Variants in UBR2 observed in about 807,000 individuals in gnomAD.
UBR2 encodes the protein E3 ubiquitin-protein ligase UBR2.
A neutral mutation model predicts 247.9 loss-of-function variants in UBR2; 92 were observed. The ratio of observed to expected loss-of-function variants is 0.37; its 90% CI spans 0.31 to 0.44. UBR2 has a LOEUF of 0.44. Ranked by LOEUF, UBR2 falls within the 20% of genes least tolerant of loss-of-function variation. The pLI is 1.00. For missense variants in UBR2, 1,613 were observed against 2,112.6 expected (o/e 0.76, Z 4.64); for synonymous variants, 672 against 693.5 (o/e 0.97, Z 0.49).
intron 4 of UBR2, among the ~76,000 whole-genome samples, chr6:42,597,125 C>T (rs1359833560): frequency 6.6e-6 from 1 of 152,138 alleles, no homozygotes; most frequent in Non-Finnish European, 1.5e-5. Flanking sequence ...TATCCTCATA[C>T]ATTAGTGGGA....
intron 5 of UBR2, among the ~76,000 whole-genome samples, chr6:42,604,037 GT>G (rs1404737056): frequency 6.6e-6 from 1 of 152,014 alleles, no homozygotes; most frequent in Admixed American, 6.6e-5. Context: ...TTTTTGTTTT[GT>G]TTATTATATG....
chr6:42,584,022 A>T (rs1792090695), intron 2 of UBR2, among the ~76,000 whole-genome samples: 1 of 111,380 alleles, frequency 9.0e-6, no homozygotes. Flanking sequence ...TTTGATACAG[A>T]GTTTTGCTCT....
intron 30 of UBR2, among the ~76,000 whole-genome samples, chr6:42,661,368 A>C (rs886867264): frequency 5.9e-5 from 9 of 152,242 alleles, no homozygotes; most frequent in African/African-American, 2.2e-4. Flanking sequence ...TATTTAACTT[A>C]TTACTTCTGA....
chr6:42,671,447 G>A (rs540924923), intron 36 of UBR2, among the ~76,000 whole-genome samples: 1 of 151,506 alleles, frequency 6.6e-6, no homozygotes, highest in African/African-American at 2.4e-5. Flanking sequence ...GCAGAAGAAT[G>A]TATATTCTAG....
chr6:42,590,124 G>A (rs1345526191), intron 2 of UBR2, among the ~76,000 whole-genome samples: 1 of 152,022 alleles, frequency 6.6e-6, no homozygotes, highest in African/African-American at 2.4e-5. Context: ...TTAATATTAT[G>A]TTAAAATAAT....
chr6:42,576,419 T>C (rs1791509535), intron 2 of UBR2, among the ~76,000 whole-genome samples: 1 of 152,166 alleles, frequency 6.6e-6, no homozygotes, highest in African/African-American at 2.4e-5. Context: ...TTCCCCTGTA[T>C]GCAGCCATTC....
rs866273616 is a variant in UBR2, at chr6:42,688,511, A to G, written c.5024+125A>G. Reference sequence around the variant, plus strand: ...CTGTTCCGTGTGATTCATTCCAGAAACGTGGAGCTCCTTGTCGCCTCACAT... The same window carrying G: ...CTGTTCCGTGTGATTCATTCCAGAAGCGTGGAGCTCCTTGTCGCCTCACAT... On this transcript the variant is annotated intron_variant, in intron 45 of 46. Coordinates refer to ENST00000372901, the MANE Select transcript of UBR2 (RefSeq NM_001363705.2). 4 of 1,143,264 alleles carry G rather than the reference A, an allele frequency of 3.5e-6. No homozygotes were observed. In the South Asian group the frequency reaches 6.1e-5, roughly 17 times the overall value. 70.8% of individuals were successfully genotyped at this position (1,143,264 alleles called of 1,614,324 possible).
At chr6:42,671,245 A>G (rs1366611312) in intron 36 of UBR2, among the ~76,000 whole-genome samples, 1 of 151,934 alleles carries the variant, frequency 6.6e-6, no homozygotes, top group Non-Finnish European at 1.5e-5. Context: ...ATCTCTACAC[A>G]AATTTTAAAA....
intron 32 of UBR2, 113 bp from the exon 33 acceptor site, chr6:42,665,296 T>G: frequency 1.4e-6 from 1 of 737,738 alleles, no homozygotes; most frequent in South Asian, 2.8e-5. Flanking sequence ...CCTTATCCTT[T>G]TTGTTTTTAA....
At position 42,676,834 on chromosome 6, in the gene UBR2, T is replaced by C. The variant is rs765201709; in HGVS notation, c.4439T>C (p.Val1480Ala). 6.2e-7 allele frequency: 1 copy of C among 1,614,024 alleles called. No individual in the cohort carries two copies. The highest frequency in any genetic ancestry group is 1.1e-5 in the South Asian group (1 of 91,076). Residue 1480 changes from valine to alanine, a missense_variant, in exon 40 of 47, where the codon GTT becomes GCT. Physicochemically the swap from Val to Ala is moderately conservative, Grantham distance 64. This residue lies in a region of UBR2 where 1,524 missense variants were observed against 1,967.3 expected (regional missense o/e 0.77). Transcript: ENST00000372901. The stretch of plus-strand genomic sequence containing the variant: ...CCCCCTTGTGAAGAAGAATCAGCAG[T>C]TCTTGCTTTGTATAAAACACTTCAC... ...ENPPCEEESA[V>A]LALYKTLHQY...
At chr6:42,597,386 A>C (rs1376269870) in intron 4 of UBR2, among the ~76,000 whole-genome samples, 1 of 152,112 alleles carries the variant, frequency 6.6e-6, no homozygotes, top group African/African-American at 2.4e-5. Flanking sequence ...ACTTGACCCC[A>C]GGAGTTCAAG....
At chr6:42,638,738 C>T (rs1438686619) in intron 15 of UBR2, among the ~76,000 whole-genome samples, 1 of 151,802 alleles carries the variant, frequency 6.6e-6, no homozygotes, top group Non-Finnish European at 1.5e-5. Flanking sequence ...GTGGCATGCC[C>T]TGCACGTGCC....
intron 1 of UBR2, among the ~76,000 whole-genome samples, chr6:42,572,064 A>AT (rs201446653): frequency 1.2e-4 from 18 of 150,554 alleles, no homozygotes; most frequent in African/African-American, 2.9e-4. Flanking sequence ...TTTTATTTTT[A>AT]TTTTTTTTTC....
chr6:42,599,930 A>C (rs1793250730), intron 4 of UBR2, among the ~76,000 whole-genome samples: 1 of 152,186 alleles, frequency 6.6e-6, no homozygotes, highest in African/African-American at 2.4e-5. Context: ...CTAATTTTAA[A>C]AAATAATAGA....
intron 42 of UBR2, 150 bp downstream of exon 42, chr6:42,679,982 GTTTGTTTTGT>G (rs530662573): frequency 1.0e-5 from 6 of 593,800 alleles, no homozygotes; most frequent in African/African-American, 5.8e-5. Context: ...TTTTGTTGTT[GTTTGTTTTGT>G]TTTGTTTTGT....
rs577311157 is a variant in UBR2 at position 42,582,065 on chromosome 6, C to T, written c.338+8072C>T. On this transcript the variant is annotated intron_variant, in intron 2 of 46. Coordinates refer to ENST00000372901, the MANE Select transcript of UBR2 (RefSeq NM_001363705.2). ...TTGGGAGGCCGAGGTGGGTGGATCA[C>T]GAGGTCCGGAGATCGAGACCATCCT... 1.7e-3 allele frequency among the ~76,000 whole-genome samples: 259 copies of T among 152,098 alleles called. 1 individual carries two copies. Among genetic ancestry groups the T allele is most frequent in the South Asian group, 3.5e-3 (17 of 4,820 alleles).
At chr6:42,621,844 A>G (rs1488729815) in intron 11 of UBR2, among the ~76,000 whole-genome samples, 3 of 152,202 alleles carry the variant, frequency 2.0e-5, no homozygotes, top group African/African-American at 4.8e-5. Flanking sequence ...AGAAGCCTTC[A>G]TATATTTTGA....
rs771862108 is a variant in UBR2, at chr6:42,573,835, A to G, written c.180A>G (p.Lys60=). 44 of 1,613,960 alleles carry G rather than the reference A, an allele frequency of 2.7e-5. No homozygotes were observed. Among genetic ancestry groups the G allele is most frequent in the African/African-American group, 5.3e-5 (4 of 74,944 alleles). The part of the protein sequence containing the change: ...YCRGPNPFPQ[K]EDMLAQHVLL... Reference sequence around the variant, plus strand: ...GGGGTCCCAACCCTTTTCCACAGAAAGAAGACATGCTGGCACAGCATGTTT... The same window carrying G: ...GGGGTCCCAACCCTTTTCCACAGAAGGAAGACATGCTGGCACAGCATGTTT... The change falls in exon 2 of 47, where the codon AAA becomes AAG. Residue 60 remains lysine (K), a synonymous_variant. Coordinates refer to ENST00000372901, the MANE Select transcript of UBR2 (RefSeq NM_001363705.2).
intron 30 of UBR2, among the ~76,000 whole-genome samples, chr6:42,660,307 G>A (rs1253340652): frequency 6.6e-6 from 1 of 152,076 alleles, no homozygotes; most frequent in East Asian, 1.9e-4. Flanking sequence ...CCACAGATCG[G>A]GTTCCCCAGA....
Sources: gnomAD v4.1 joint callset for allele counts (sites outside exome capture counted in the v4.1 genomes callset) on GRCh38, gnomAD v4.1.1 for gene constraint, gnomAD v4.1.1 regional missense constraint, MANE v1.5 for transcripts, NCBI Gene and HGNC (gene_info 2026-07-23, HGNC 2026-07-21) for gene names.